The following ACER2 variants were observed in gnomAD, a reference collection of about 807,000 sequenced individuals.
The protein encoded by ACER2 is alkaline ceramidase 2.
A neutral mutation model predicts 34.7 loss-of-function variants in ACER2; 26 were observed. The ratio of observed to expected loss-of-function variants is 0.75; its 90% CI spans 0.55 to 1.04. The LOEUF (loss-of-function observed/expected upper bound fraction) is 1.04. ACER2 is among the 50% of genes least tolerant of loss of function. The pLI is 0.00. For missense variants in ACER2, 352 were observed against 340.8 expected (o/e 1.03, Z -0.26); for synonymous variants, 138 against 132.1 (o/e 1.04, Z -0.31).
intron 4 of ACER2, among the ~76,000 whole-genome samples, chr9:19,441,295 C>T (rs895369665): frequency 2.0e-5 from 3 of 152,114 alleles, no homozygotes; most frequent in African/African-American, 4.8e-5. Context: ...ATGATCTGCC[C>T]TCCTTGGCCT....
intron 5 of ACER2, among the ~76,000 whole-genome samples, chr9:19,448,692 AT>A (rs1563894341): frequency 6.6e-6 from 1 of 152,234 alleles, no homozygotes. Context: ...TTAAATCTCC[AT>A]TAACCTGTTT....
rs55690063 is a variant in ACER2, at chr9:19,439,344, C to CTTTTTTTTTTTTTTTT, written c.503+4273_503+4274insTTTTTTTTTTTTTTTT. ...GCTGCTCCCTCTCTAAAGGGGCTTGCTTTTTTTTTTTTTGGAGACGTAGTC... is the reference window on the plus strand; with the variant it reads ...GCTGCTCCCTCTCTAAAGGGGCTTGCTTTTTTTTTTTTTTTTTTTTTTTTTTTTTGGAGACGTAGTC... On this transcript the variant is annotated intron_variant, in intron 4 of 5. Transcript: ENST00000340967. Among the ~76,000 whole-genome samples the CTTTTTTTTTTTTTTTT allele has an allele frequency of 6.9e-4, 96 of 138,738 alleles. 1 individual carries two copies. The South Asian group carries it at 8.3e-3, about 12-fold the overall frequency. 91.0% of individuals were successfully genotyped at this position (138,738 alleles called of 152,430 possible). A position where few individuals can be genotyped will look rare whatever the true frequency, so the allele number is the denominator to read the frequency against.
At chr9:19,434,391 A>G (rs1431088719) in intron 3 of ACER2, among the ~76,000 whole-genome samples, 1 of 152,194 alleles carries the variant, frequency 6.6e-6, no homozygotes, top group African/African-American at 2.4e-5. Flanking sequence ...CAGAGGCTGC[A>G]ATCTCGGCAC....
At position 19,409,022 on chromosome 9, in the gene ACER2, T is replaced by C; in HGVS notation, c.-63T>C. The C allele has an allele frequency of 7.2e-7, 1 of 1,393,480 alleles. No homozygotes were observed. Among genetic ancestry groups the C allele is most frequent in the South Asian group, 1.5e-5 (1 of 68,790 alleles). The allele number at this position is 1,393,480 out of a possible 1,614,324, so 86.3% of individuals were successfully genotyped here. ...CCGCTGGCTGTCGCCGCGTTTTGCC[T>C]CCGCAGCAGCTCTGGGCTCTTCTCA... On this transcript the variant is annotated 5_prime_UTR_variant, in exon 1 of 6. Transcript: ENST00000340967.
chr9:19,409,616 C>T (rs747933635), intron 1 of ACER2, among the ~76,000 whole-genome samples: 2 of 152,112 alleles, frequency 1.3e-5, no homozygotes, highest in Non-Finnish European at 1.5e-5. Context: ...TACCTGCTCT[C>T]GGAGTGCTGG....
intron 4 of ACER2, among the ~76,000 whole-genome samples, chr9:19,436,712 T>G (rs1171673234): frequency 2.6e-5 from 4 of 152,232 alleles, no homozygotes; most frequent in Non-Finnish European, 5.9e-5. Flanking sequence ...GTAATTTACT[T>G]TTAATTTATT....
chr9:19,421,244 A>G (rs1204367874), intron 1 of ACER2, among the ~76,000 whole-genome samples: 1 of 152,254 alleles, frequency 6.6e-6, no homozygotes, highest in Non-Finnish European at 1.5e-5. Context: ...CTGAAATGTC[A>G]TTTTGTTGCA....
intron 3 of ACER2, among the ~76,000 whole-genome samples, chr9:19,433,946 G>C (rs1338504344): frequency 3.9e-5 from 6 of 151,958 alleles, no homozygotes; most frequent in Non-Finnish European, 8.8e-5. Flanking sequence ...TGGCCGGGCA[G>C]GGGGCTGACC....
At chr9:19,446,439 A>T (rs1399268334) in intron 5 of ACER2, 21 bp downstream of exon 5, 5 of 1,613,746 alleles carry the variant, frequency 3.1e-6, no homozygotes, top group Non-Finnish European at 4.2e-6. Flanking sequence ...GCTAATGGGG[A>T]GGTGGCCGGG....
chr9:19,443,368 C>T (rs575394226), intron 4 of ACER2, among the ~76,000 whole-genome samples: 4 of 152,138 alleles, frequency 2.6e-5, no homozygotes, highest in African/African-American at 9.6e-5. Context: ...GGGTTTCACC[C>T]TGTCAGCCAG....
At chr9:19,420,681 CA>C (rs1830377086) in intron 1 of ACER2, among the ~76,000 whole-genome samples, 1 of 152,140 alleles carries the variant, frequency 6.6e-6, no homozygotes, top group Non-Finnish European at 1.5e-5. Flanking sequence ...GCTGCTATAA[CA>C]AAAGATCTTA....
At chr9:19,425,237 G>A (rs1351867346) in intron 3 of ACER2, among the ~76,000 whole-genome samples, 1 of 152,200 alleles carries the variant, frequency 6.6e-6, no homozygotes, top group African/African-American at 2.4e-5. Context: ...GTAGAATCCA[G>A]ACTGATGAAC....
intron 3 of ACER2, among the ~76,000 whole-genome samples, chr9:19,433,349 G>A (rs374753092): frequency 6.6e-6 from 1 of 151,794 alleles, no homozygotes; most frequent in South Asian, 2.1e-4. Flanking sequence ...AGGGAGTGGT[G>A]ATGACTCTTA....
chr9:19,424,990 G>C lies in ACER2; in HGVS notation c.365+149G>C, dbSNP rs1014183158. On this transcript the variant is annotated intron_variant, in intron 3 of 5. Transcript: ENST00000340967. Reference sequence around the variant, plus strand: ...TTCAATATCTACTGATTGTTTTTATGATCTGACAATATAAGTAAACTGACA... The same window carrying C: ...TTCAATATCTACTGATTGTTTTTATCATCTGACAATATAAGTAAACTGACA... The C allele has an allele frequency of 3.6e-6, 4 of 1,110,418 alleles. No individual in the cohort carries two copies. The South Asian group carries it at 5.2e-5, about 14-fold the overall frequency. The allele number at this position is 1,110,418 out of a possible 1,614,324, so 68.8% of individuals were successfully genotyped here.
chr9:19,415,655 T>C (rs1440952263), intron 1 of ACER2, among the ~76,000 whole-genome samples: 1 of 152,206 alleles, frequency 6.6e-6, no homozygotes, highest in Non-Finnish European at 1.5e-5. Context: ...TGTCCATTGC[T>C]GGTGGAAATA....
At chr9:19,430,671 T>C (rs749328828) in intron 3 of ACER2, among the ~76,000 whole-genome samples, 7 of 152,104 alleles carry the variant, frequency 4.6e-5, no homozygotes, top group Non-Finnish European at 1.0e-4. Context: ...GAAAGCATGT[T>C]TTGCAGCTGG....
chr9:19,432,346 T>C (rs1305433931), intron 3 of ACER2, among the ~76,000 whole-genome samples: 1 of 152,176 alleles, frequency 6.6e-6, no homozygotes, highest in Admixed American at 6.5e-5. Context: ...TTATGGTTTG[T>C]GAATGGTCTC....
intron 1 of ACER2, among the ~76,000 whole-genome samples, chr9:19,410,119 T>C (rs1830044865): frequency 6.6e-6 from 1 of 152,252 alleles, no homozygotes; most frequent in South Asian, 2.1e-4. Context: ...GTTTGGGTCA[T>C]TGTGAATTTG....
intron 3 of ACER2, among the ~76,000 whole-genome samples, chr9:19,431,567 A>G (rs1311330941): frequency 4.6e-5 from 7 of 152,222 alleles, no homozygotes; most frequent in African/African-American, 1.4e-4. Context: ...TGGGTCCCCA[A>G]GGGCCCTGCA....
Sources: allele counts gnomAD v4.1 joint callset (sites outside exome capture counted in the v4.1 genomes callset), GRCh38; gene constraint gnomAD v4.1.1; transcripts MANE v1.5; gene names NCBI Gene and HGNC (gene_info 2026-07-23, HGNC 2026-07-21).